Variants in NBAS observed in about 807,000 individuals in gnomAD.
The protein encoded by NBAS is NAG/BC035112 fusion.
A neutral mutation model predicts 302.5 loss-of-function variants in NBAS; 219 were observed. That is an observed-to-expected ratio of 0.72 (90% confidence interval 0.65 to 0.81). NBAS has a LOEUF of 0.81. NBAS is among the 30% of genes least tolerant of loss of function. The probability of loss-of-function intolerance (pLI) is 0.00; values close to 1 mark genes in which losing one functional copy is unlikely to be tolerated. For synonymous variants in NBAS, 1,118 were observed against 1,021.6 expected (o/e 1.09, Z -1.80); for missense variants, 2,932 against 2,841.6 (o/e 1.03, Z -0.72).
chr2:15,518,131 A>G (rs1341442038), intron 9 of NBAS, among the ~76,000 whole-genome samples: 43 of 21,366 alleles, frequency 2.0e-3, no homozygotes, highest in Non-Finnish European at 2.1e-3. Flanking sequence ...GTCTAGGGGA[A>G]AAAAAAAAAA....
chr2:15,088,066 C>A, the NBAS span, among the ~76,000 whole-genome samples: 1 of 152,188 alleles, frequency 6.6e-6, no homozygotes, highest in African/African-American at 2.4e-5. Flanking sequence ...AGCTGCACCA[C>A]ATAAATGGGG....
chr2:15,391,329 TA>T (rs926935280), intron 28 of NBAS, among the ~76,000 whole-genome samples: 4 of 151,634 alleles, frequency 2.6e-5, no homozygotes, highest in Non-Finnish European at 5.9e-5. Context: ...TTCAAAAAGT[TA>T]ATGAGGCATG....
At chr2:15,076,398 G>C in the NBAS span, among the ~76,000 whole-genome samples, 1 of 152,210 alleles carries the variant, frequency 6.6e-6, no homozygotes, top group Non-Finnish European at 1.5e-5. Flanking sequence ...TGCCGTTTTA[G>C]TCATGCTAAT....
At chr2:15,051,190 T>C in the NBAS span, among the ~76,000 whole-genome samples, 11 of 152,226 alleles carry the variant, frequency 7.2e-5, no homozygotes, top group African/African-American at 2.4e-4. Context: ...CATCTGCCTG[T>C]TCCTGAGACT....
intron 47 of NBAS, among the ~76,000 whole-genome samples, chr2:15,219,332 A>ATTTTTTTTT (rs1186573193): frequency 7.3e-6 from 1 of 137,338 alleles, no homozygotes; most frequent in African/African-American, 2.7e-5. Context: ...TTTTTTTTTA[A>ATTTTTTTTT]TTTTTTTTTT....
chr2:15,328,445 G>A (rs912836373), intron 36 of NBAS, 133 bp from the exon 37 acceptor site: 3 of 749,940 alleles, frequency 4.0e-6, no homozygotes, highest in Non-Finnish European at 4.6e-6. Flanking sequence ...GGTAATGCCT[G>A]CTGCATTTCC....
the NBAS span, among the ~76,000 whole-genome samples, chr2:14,926,549 A>G: frequency 7.9e-5 from 12 of 152,340 alleles, no homozygotes; most frequent in African/African-American, 2.9e-4. Flanking sequence ...GGATCAATAA[A>G]AGAGAGGTTT....
the NBAS span, among the ~76,000 whole-genome samples, chr2:14,991,041 G>C: frequency 6.6e-6 from 1 of 152,122 alleles, no homozygotes; most frequent in Admixed American, 6.6e-5. Flanking sequence ...ACAAAAGGAG[G>C]TGGTGTCTTC....
intron 38 of NBAS, among the ~76,000 whole-genome samples, chr2:15,312,623 C>T (rs1434295541): frequency 6.6e-6 from 1 of 152,178 alleles, no homozygotes; most frequent in African/African-American, 2.4e-5. Flanking sequence ...TATTTTCCCA[C>T]TATTTAGGTT....
chr2:14,932,480 C>T, the NBAS span, among the ~76,000 whole-genome samples: 4 of 152,186 alleles, frequency 2.6e-5, no homozygotes, highest in Admixed American at 2.6e-4. Context: ...ATGACTAAGC[C>T]AGTTATTCAA....
the NBAS span, among the ~76,000 whole-genome samples, chr2:14,783,386 A>T: frequency 2.2e-4 from 33 of 151,586 alleles, no homozygotes; most frequent in South Asian, 6.1e-3. Flanking sequence ...TAGTTACATA[A>T]GTATACATGT....
At chr2:15,528,587 G>T (rs532603905) in intron 9 of NBAS, among the ~76,000 whole-genome samples, 1 of 149,836 alleles carries the variant, frequency 6.7e-6, no homozygotes, top group African/African-American at 2.4e-5. Context: ...GCATACACTG[G>T]CCGGGCGTGG....
intron 38 of NBAS, among the ~76,000 whole-genome samples, chr2:15,313,363 C>G (rs1041105165): frequency 6.6e-6 from 1 of 152,164 alleles, no homozygotes; most frequent in Non-Finnish European, 1.5e-5. Flanking sequence ...CTATGTGTCT[C>G]AAAAATCCTG....
intron 48 of NBAS, among the ~76,000 whole-genome samples, chr2:15,216,539 C>T (rs985275006): frequency 6.6e-6 from 1 of 152,146 alleles, no homozygotes; most frequent in Non-Finnish European, 1.5e-5. Flanking sequence ...GCCAAGTTGC[C>T]TTAAGTTCTG....
At chr2:15,225,490 A>T (rs1572481228) in intron 47 of NBAS, among the ~76,000 whole-genome samples, 1 of 152,166 alleles carries the variant, frequency 6.6e-6, no homozygotes, top group East Asian at 1.9e-4. Context: ...AATTTGCTCT[A>T]GGTGGGCCGT....
intron 32 of NBAS, 127 bp from the exon 33 acceptor site, chr2:15,356,543 G>T: frequency 1.3e-6 from 1 of 757,866 alleles, no homozygotes; most frequent in African/African-American, 1.7e-5. Context: ...TTTAAATGAT[G>T]AGAGGAAAAA....
the NBAS span, among the ~76,000 whole-genome samples, chr2:15,026,194 C>T: frequency 5.4e-4 from 5 of 9,212 alleles, 2 homozygotes; most frequent in African/African-American, 2.4e-3. Context: ...CGGTGGCTCA[C>T]GCCTGTAATC....
the NBAS span, among the ~76,000 whole-genome samples, chr2:15,061,642 G>A: frequency 1.3e-5 from 2 of 152,106 alleles, no homozygotes; most frequent in African/African-American, 4.8e-5. Context: ...TTCATCAAGC[G>A]GGAGTAACAT....
intron 35 of NBAS, among the ~76,000 whole-genome samples, chr2:15,343,988 C>T (rs1390928775): frequency 7.3e-6 from 1 of 137,280 alleles, no homozygotes; most frequent in Non-Finnish European, 1.6e-5. Flanking sequence ...AAACACTTGA[C>T]TGCAAGATGT....
Sources: gnomAD v4.1 joint callset for allele counts (sites outside exome capture counted in the v4.1 genomes callset) on GRCh38, gnomAD v4.1.1 for gene constraint, MANE v1.5 for transcripts, NCBI Gene and HGNC (gene_info 2026-07-23, HGNC 2026-07-21) for gene names.